The following ATXN1 variants were observed in gnomAD, a reference collection of about 807,000 sequenced individuals.
ATXN1 encodes ataxin-1.
Under a neutral mutation model 56.4 loss-of-function variants are expected in ATXN1, and 8 were observed. The observed-to-expected ratio is 0.14, with a 90% CI of 0.08 to 0.26. The LOEUF (loss-of-function observed/expected upper bound fraction) is 0.26, where lower values mean the gene tolerates loss of function less well. ATXN1 is among the 10% of genes least tolerant of loss of function. ATXN1 has a pLI of 1.00. For missense variants in ATXN1, 987 were observed against 1,106.5 expected, an observed-to-expected ratio of 0.89 and a Z score of 1.53; for synonymous variants, 514 against 494.6, an observed-to-expected ratio of 1.04 and a Z score of -0.52.
intron 3 of ATXN1, among the ~76,000 whole-genome samples, chr6:16,616,936 A>G (rs1054041662): frequency 6.6e-6 from 1 of 151,644 alleles, no homozygotes; most frequent in Admixed American, 6.6e-5. Context: ...AACTTTTATT[A>G]TAGTATATTT....
chr6:16,484,425 C>A (rs1325681737), intron 6 of ATXN1, among the ~76,000 whole-genome samples: 1 of 152,070 alleles, frequency 6.6e-6, no homozygotes, highest in Non-Finnish European at 1.5e-5. Flanking sequence ...CAGAGTAAGG[C>A]ACCACCTCAA....
intron 2 of ATXN1, among the ~76,000 whole-genome samples, chr6:16,679,372 GTGGATGGATGGA>G (rs10618388): frequency 0.56 from 80,170 of 144,040 alleles, 22,680 homozygotes; most frequent in African/African-American, 0.66. Flanking sequence ...AGGTGGGTGG[GTGGATGGATGGA>G]TGGATGGATG....
chr6:16,748,397 T>G (rs1418013496), intron 2 of ATXN1, among the ~76,000 whole-genome samples: 1 of 152,196 alleles, frequency 6.6e-6, no homozygotes, highest in Admixed American at 6.5e-5. Context: ...TGCACTCGAC[T>G]GTAAGCTTCT....
Position 16,760,371 on chromosome 6 carries a change from G to T in ATXN1, c.-730+927C>A, listed in dbSNP as rs1348293351. ...CGTCTCCTGCCGCGGGTGCTGGCGG[G>T]GGCGCCGGCCCGGACTGGGGCGCTC... On this transcript the variant is annotated intron_variant, in intron 1 of 7. Transcript: ENST00000436367. This position sits in a 1 kb window ranked among gnomAD's most constrained non-coding sequence, Gnocchi z 5.3. Among the ~76,000 whole-genome samples, 2 of 151,724 alleles carry T rather than the reference G, an allele frequency of 1.3e-5. No homozygotes were observed. The highest frequency in any genetic ancestry group is 1.3e-4 in the Admixed American group (2 of 15,244).
At chr6:16,746,508 C>T (rs932382883) in intron 2 of ATXN1, among the ~76,000 whole-genome samples, 2 of 152,326 alleles carry the variant, frequency 1.3e-5, no homozygotes, top group South Asian at 4.1e-4. Flanking sequence ...CTTGATATTA[C>T]TGCTTAGAAA....
rs935126333 is a variant in ATXN1 at position 16,571,682 on chromosome 6, A to G, written c.-361+14098T>C. Among the ~76,000 whole-genome samples, 7 of 151,988 alleles carry G rather than the reference A, an allele frequency of 4.6e-5. No individual in the cohort carries two copies. The South Asian group carries it at 1.2e-3, about 27-fold the overall frequency. ...AATTAAAAAAAAAAAACTTAAAGAG[A>G]CAAAGACTTGTTCTGTCACCCAGGC... On this transcript the variant is annotated intron_variant, in intron 4 of 7. Transcript: ENST00000436367.
At chr6:16,739,469 C>A in intron 2 of ATXN1, 1 of 228,464 alleles carries the variant, frequency 4.4e-6, no homozygotes, top group East Asian at 8.9e-5. Context: ...CCAGGTCATC[C>A]CAGGACTATG....
At position 16,515,427 on chromosome 6, in the gene ATXN1, C is replaced by T. The variant is rs922362375; in HGVS notation, c.-299+7200G>A. Among the ~76,000 whole-genome samples the T allele has an allele frequency of 9.2e-5, 14 of 152,176 alleles. 1 individual carries two copies. Among genetic ancestry groups the T allele is most frequent in the East Asian group, 7.7e-4 (4 of 5,202 alleles). ...ACTCCTCCCTCCCTACCACTACCAC[C>T]CCCAAACCACAAACCAACAAGAAGC... On this transcript the variant is annotated intron_variant, in intron 5 of 7. Transcript: ENST00000436367.
chr6:16,714,659 T>C (rs1392524124), intron 2 of ATXN1, among the ~76,000 whole-genome samples: 1 of 152,186 alleles, frequency 6.6e-6, no homozygotes, highest in Non-Finnish European at 1.5e-5. Flanking sequence ...TGTATTTTCT[T>C]GTATACATTC....
chr6:16,491,445 C>T (rs955419697), intron 5 of ATXN1, among the ~76,000 whole-genome samples: 22 of 151,836 alleles, frequency 1.4e-4, no homozygotes, highest in African/African-American at 4.8e-4. Flanking sequence ...CCACTACGCC[C>T]GGCTAATTTT....
chr6:16,665,686 T>G (rs937125923), intron 2 of ATXN1, among the ~76,000 whole-genome samples: 3 of 152,154 alleles, frequency 2.0e-5, no homozygotes, highest in African/African-American at 4.8e-5. Context: ...ATTTGTCCTC[T>G]TGGGGATCAC....
chr6:16,571,955 G>A (rs946650224), intron 4 of ATXN1, among the ~76,000 whole-genome samples: 28 of 152,100 alleles, frequency 1.8e-4, no homozygotes, highest in East Asian at 3.8e-4. Flanking sequence ...GAGCCATCAC[G>A]TTCAGCCTCT....
At chr6:16,755,416 A>G (rs1009558359) in intron 1 of ATXN1, among the ~76,000 whole-genome samples, 4 of 152,298 alleles carry the variant, frequency 2.6e-5, no homozygotes, top group Non-Finnish European at 5.9e-5. Flanking sequence ...TGGAATACTC[A>G]ATATTTTTAA....
At chr6:16,598,035 G>A (rs1358974497) in intron 3 of ATXN1, among the ~76,000 whole-genome samples, 1 of 152,106 alleles carries the variant, frequency 6.6e-6, no homozygotes, top group Non-Finnish European at 1.5e-5. Flanking sequence ...CTGGTGAGGT[G>A]ATGAATATAT....
intron 6 of ATXN1, among the ~76,000 whole-genome samples, chr6:16,452,410 T>C (rs982162313): frequency 2.6e-5 from 4 of 152,190 alleles, no homozygotes; most frequent in Non-Finnish European, 5.9e-5. Context: ...AAGATTAAAT[T>C]CAGCTGGAAA....
intron 5 of ATXN1, among the ~76,000 whole-genome samples, chr6:16,493,073 CT>C (rs1295215642): frequency 6.6e-6 from 1 of 152,170 alleles, no homozygotes; most frequent in Non-Finnish European, 1.5e-5. Context: ...CATTGGTCTT[CT>C]TGTCAATGCT....
intron 6 of ATXN1, among the ~76,000 whole-genome samples, chr6:16,443,610 A>G (rs1179851964): frequency 6.6e-6 from 1 of 152,248 alleles, no homozygotes; most frequent in African/African-American, 2.4e-5. Context: ...AAACATTTTC[A>G]GTAAGCATAT....
At chr6:16,309,582 T>A (rs1382018015) in intron 7 of ATXN1, among the ~76,000 whole-genome samples, 1 of 152,022 alleles carries the variant, frequency 6.6e-6, no homozygotes, top group African/African-American at 2.4e-5. Flanking sequence ...GGCTAAGAAT[T>A]TTCCCAAACT....
intron 6 of ATXN1, among the ~76,000 whole-genome samples, chr6:16,477,490 T>G (rs560985102): frequency 6.6e-6 from 1 of 152,324 alleles, no homozygotes; most frequent in East Asian, 1.9e-4. Context: ...GCTGGGTGCA[T>G]GGATAAATTA....
Sources: allele counts gnomAD v4.1 joint callset (sites outside exome capture counted in the v4.1 genomes callset), GRCh38; gene constraint gnomAD v4.1.1; non-coding constraint Gnocchi (gnomAD v3.1); transcripts MANE v1.5; gene names NCBI Gene and HGNC (gene_info 2026-07-23, HGNC 2026-07-21).